Variants in ROR1 observed in about 807,000 individuals in gnomAD.
ROR1 encodes the protein ROR family WNT receptor 1.
In ROR1, 19 loss-of-function variants were observed where a neutral mutation model predicts 78.8. The observed-to-expected ratio is 0.24, with a 90% CI of 0.17 to 0.35. ROR1 has a LOEUF of 0.35. ROR1 is among the 10% of genes least tolerant of loss of function. The probability of loss-of-function intolerance (pLI) is 1.00; values close to 1 mark genes in which losing one functional copy is unlikely to be tolerated. For missense variants in ROR1, 917 were observed against 1,177.8 expected (o/e 0.78, Z 3.24); for synonymous variants, 386 against 433.6 (o/e 0.89, Z 1.36).
chr1:63,985,618 T>C (rs935712478), intron 1 of ROR1, among the ~76,000 whole-genome samples: 1 of 151,872 alleles, frequency 6.6e-6, no homozygotes, highest in South Asian at 2.1e-4. Context: ...GGTTCACACA[T>C]GTATGTAATC....
chr1:63,910,480 G>A (rs1452101288), intron 1 of ROR1, among the ~76,000 whole-genome samples: 1 of 152,108 alleles, frequency 6.6e-6, no homozygotes, highest in African/African-American at 2.4e-5. Flanking sequence ...GGGATGAAAG[G>A]GGATGAGACA....
intron 4 of ROR1, among the ~76,000 whole-genome samples, chr1:64,089,743 T>A (rs1647180434): frequency 6.6e-6 from 1 of 152,228 alleles, no homozygotes; most frequent in African/African-American, 2.4e-5. Flanking sequence ...AAAGGTTTGT[T>A]ATTCACAGTG....
At chr1:64,135,813 T>G (rs1649083293) in intron 4 of ROR1, among the ~76,000 whole-genome samples, 1 of 152,218 alleles carries the variant, frequency 6.6e-6, no homozygotes, top group African/African-American at 2.4e-5. Flanking sequence ...TTTTAAGAGC[T>G]TTGCAACACA....
chr1:63,976,229 T>G (rs1022010835), intron 1 of ROR1, among the ~76,000 whole-genome samples: 1 of 152,090 alleles, frequency 6.6e-6, no homozygotes, highest in African/African-American at 2.4e-5. Context: ...ACATTCCCAG[T>G]GAAGAAACTT....
chr1:64,048,610 T>C (rs764502710), intron 2 of ROR1, among the ~76,000 whole-genome samples: 2 of 152,158 alleles, frequency 1.3e-5, no homozygotes, highest in Non-Finnish European at 2.9e-5. Flanking sequence ...TTAAAAGAAA[T>C]CAAACTTAAT....
At chr1:63,861,906 C>G (rs900713187) in intron 1 of ROR1, among the ~76,000 whole-genome samples, 3 of 151,866 alleles carry the variant, frequency 2.0e-5, no homozygotes, top group Admixed American at 1.3e-4. Context: ...CCTGACAAGT[C>G]TAGGGTTGAT....
chr1:63,950,580 A>G (rs753928172), intron 1 of ROR1, among the ~76,000 whole-genome samples: 1 of 152,144 alleles, frequency 6.6e-6, no homozygotes, highest in Non-Finnish European at 1.5e-5. Flanking sequence ...GCCAACCTCC[A>G]ATGTCATCCT....
In ROR1 at chr1:64,025,584, GAT is replaced by G. The variant is rs138518947; in HGVS notation, c.163+16219_163+16220del. On this transcript the variant is annotated intron_variant, in intron 2 of 8. Transcript: ENST00000371079. ...CAATGAGTGTATAAAGAAATTGTGAGATATATATATATGTATATATACATACA... is the reference window on the plus strand; with the variant it reads ...CAATGAGTGTATAAAGAAATTGTGAGATATATATATGTATATATACATACA... Among the ~76,000 whole-genome samples, 501 of 151,254 alleles carry G rather than the reference GAT, an allele frequency of 3.3e-3. 6 individuals carry two copies. Among genetic ancestry groups the G allele is most frequent in the Admixed American group, 0.019 (294 of 15,150 alleles).
chr1:63,986,911 G>A (rs1011471129), intron 1 of ROR1, among the ~76,000 whole-genome samples: 4 of 151,534 alleles, frequency 2.6e-5, no homozygotes, highest in African/African-American at 9.7e-5. Context: ...AAAGAAAAAA[G>A]GAAAGAAAAG....
intron 1 of ROR1, among the ~76,000 whole-genome samples, chr1:63,857,071 G>T (rs1402958568): frequency 6.6e-6 from 1 of 151,750 alleles, no homozygotes. Flanking sequence ...TGTAACAGTT[G>T]CTCAATAAGT....
Position 63,866,179 on chromosome 1 carries a change from G to A in ROR1, c.91+91671G>A, listed in dbSNP as rs572142552. Reference sequence around the variant, plus strand: ...CTCTTTGCCCCAGAGAAGCCAAAATGTTAAATTGATGGAGCTTACTAGATC... The same window carrying A: ...CTCTTTGCCCCAGAGAAGCCAAAATATTAAATTGATGGAGCTTACTAGATC... On this transcript the variant is annotated intron_variant, in intron 1 of 8. Transcript: ENST00000371079. 1.3e-4 allele frequency among the ~76,000 whole-genome samples: 20 copies of A among 152,202 alleles called. No homozygotes were observed. The South Asian group carries it at 3.9e-3, about 30-fold the overall frequency.
chr1:63,935,534 A>T (rs1427170462), intron 1 of ROR1, among the ~76,000 whole-genome samples: 1 of 152,198 alleles, frequency 6.6e-6, no homozygotes, highest in Non-Finnish European at 1.5e-5. Flanking sequence ...ACCTCCCTCT[A>T]ATCATTTACC....
Position 64,179,988 on chromosome 1 carries a change from T to A in ROR1, c.*1133T>A, listed in dbSNP as rs566954913. ...CGCCCCAAGAATTACAACAATGTAT[T>A]CATACAGTCAGTTGGAATCCAAAGG... On this transcript the variant is annotated 3_prime_UTR_variant, in exon 9 of 9. Coordinates refer to ENST00000371079, the MANE Select transcript of ROR1 (RefSeq NM_005012.4). 1.3e-5 allele frequency: 2 copies of A among 152,346 alleles called. No homozygotes were observed. The highest frequency in any genetic ancestry group is 1.3e-4 in the Admixed American group (2 of 15,304). 9.4% of individuals were successfully genotyped at this position (152,346 alleles called of 1,614,324 possible). A position where few individuals can be genotyped will look rare whatever the true frequency, so the allele number is the denominator to read the frequency against.
Position 64,140,283 on chromosome 1 carries a change from CAG to C in ROR1, c.788_789del (p.Glu263ValfsTer20). On this transcript the variant is annotated frameshift_variant, in exon 6 of 9. Transcript: ENST00000371079. LOFTEE classifies it high-confidence loss of function. ...ATCCTGGAGAATGTCCTGTGTCAAA[CAG>C]AGTACATTTTTGCAAGATCAAATCC... 1 of 1,614,146 alleles carries C rather than the reference CAG, an allele frequency of 6.2e-7. No homozygotes were observed. The highest frequency in any genetic ancestry group is 8.5e-7 in the Non-Finnish European group (1 of 1,180,026).
chr1:64,012,933 C>G (rs12058335), intron 2 of ROR1, among the ~76,000 whole-genome samples: 1 of 152,094 alleles, frequency 6.6e-6, no homozygotes, highest in South Asian at 2.1e-4. Context: ...ATCTGGGAGA[C>G]AGATTTGAGA....
rs541729224 is a variant in ROR1, at chr1:63,861,183, C to T, written c.91+86675C>T. Among the ~76,000 whole-genome samples, 19 of 152,250 alleles carry T rather than the reference C, an allele frequency of 1.2e-4. No individual in the cohort carries two copies. In the East Asian group the frequency reaches 2.5e-3, roughly 20 times the overall value. ...CCGGGACTGTTGAGTCCAGAAACTT[C>T]GATCCTTCTCCACCCTTTCCCCAGT... On this transcript the variant is annotated intron_variant, in intron 1 of 8. Coordinates refer to ENST00000371079, the MANE Select transcript of ROR1 (RefSeq NM_005012.4).
chr1:63,916,939 C>T (rs1049991242), intron 1 of ROR1, among the ~76,000 whole-genome samples: 2 of 152,212 alleles, frequency 1.3e-5, no homozygotes, highest in Non-Finnish European at 2.9e-5. Flanking sequence ...ACTTTCAGTT[C>T]CTAGACTGTT....
intron 1 of ROR1, among the ~76,000 whole-genome samples, chr1:63,815,472 T>C (rs1644885501): frequency 7.6e-6 from 1 of 131,150 alleles, no homozygotes; most frequent in African/African-American, 4.4e-5. Flanking sequence ...TCTTTTCTTT[T>C]CTTTTCTTTT....
intron 4 of ROR1, among the ~76,000 whole-genome samples, chr1:64,095,721 A>C (rs986414999): frequency 1.3e-5 from 2 of 152,200 alleles, no homozygotes; most frequent in Non-Finnish European, 2.9e-5. Context: ...ATTAGAAATT[A>C]GACATAAAAC....
Sources: allele counts gnomAD v4.1 joint callset (sites outside exome capture counted in the v4.1 genomes callset), GRCh38; gene constraint gnomAD v4.1.1; transcripts MANE v1.5; gene names NCBI Gene and HGNC (gene_info 2026-07-23, HGNC 2026-07-21).